The following KIAA1328 variants were observed in gnomAD, a reference collection of about 807,000 sequenced individuals.
KIAA1328 encodes the protein KIAA1328, also known as protein hinderin.
Under a neutral mutation model 68.1 loss-of-function variants are expected in KIAA1328, and 52 were observed. The observed-to-expected ratio is 0.76, with a 90% CI of 0.61 to 0.96. The LOEUF (loss-of-function observed/expected upper bound fraction) is 0.96. Among genes scored for constraint, KIAA1328 ranks in the 40% least tolerant of loss-of-function variants. KIAA1328 has a pLI of 0.00. For missense variants in KIAA1328, 641 were observed against 677.6 expected, an observed-to-expected ratio of 0.95 and a Z score of 0.60; for synonymous variants, 232 against 239.4, an observed-to-expected ratio of 0.97 and a Z score of 0.28.
At chr18:37,130,546 A>T (rs2058498328) in intron 7 of KIAA1328, among the ~76,000 whole-genome samples, 6 of 152,064 alleles carry the variant, frequency 3.9e-5, no homozygotes, top group Admixed American at 3.9e-4. Flanking sequence ...TGAACCCAGG[A>T]GGCGGAGGTT....
chr18:36,991,392 T>C (rs1250510471), intron 6 of KIAA1328, among the ~76,000 whole-genome samples: 1 of 152,222 alleles, frequency 6.6e-6, no homozygotes, highest in Non-Finnish European at 1.5e-5. Flanking sequence ...AAAAACTTAT[T>C]AATAATAAAT....
chr18:37,163,903 C>G (rs1413922602), intron 8 of KIAA1328, among the ~76,000 whole-genome samples: 1 of 152,176 alleles, frequency 6.6e-6, no homozygotes, highest in Non-Finnish European at 1.5e-5. Context: ...ATCAACAGCA[C>G]ATAGTATGCA....
At chr18:37,215,877 G>T (rs1260923583) in intron 9 of KIAA1328, among the ~76,000 whole-genome samples, 1 of 152,152 alleles carries the variant, frequency 6.6e-6, no homozygotes, top group Non-Finnish European at 1.5e-5. Context: ...TTAGTCTTGG[G>T]AGGGTGTATG....
rs750060405 is a variant in KIAA1328 at position 36,870,464 on chromosome 18, A to G, written c.333-15093A>G. ...GTAATATAAATATTAAAATTATTCC[A>G]TTAAAAAATAAAGCTAAAATAAAAT... On this transcript the variant is annotated intron_variant, in intron 4 of 9. Transcript: ENST00000280020. Among the ~76,000 whole-genome samples, 165 of 149,528 alleles carry G rather than the reference A, an allele frequency of 1.1e-3. 1 individual carries two copies. The highest frequency in any genetic ancestry group is 2.7e-4 in the Non-Finnish European group (18 of 66,534).
chr18:37,082,731 TAAC>T (rs978489669), intron 7 of KIAA1328, among the ~76,000 whole-genome samples: 4 of 152,364 alleles, frequency 2.6e-5, no homozygotes, highest in East Asian at 3.9e-4. Flanking sequence ...TGATTGCCGA[TAAC>T]AACTTTCGAA....
chr18:36,991,949 G>A (rs184001943), intron 6 of KIAA1328, among the ~76,000 whole-genome samples: 3 of 152,276 alleles, frequency 2.0e-5, no homozygotes, highest in African/African-American at 7.2e-5. Flanking sequence ...TTGTTCGGGG[G>A]CCACCACCAT....
chr18:37,172,325 A>G (rs111400296), intron 8 of KIAA1328, among the ~76,000 whole-genome samples: 298 of 152,348 alleles, frequency 2.0e-3, no homozygotes, highest in Middle Eastern at 0.01. Context: ...TAAAAACAAT[A>G]TTTCTGTCCA....
intron 5 of KIAA1328, among the ~76,000 whole-genome samples, chr18:36,893,435 TTGTG>T (rs147453972): frequency 1.4e-3 from 197 of 139,684 alleles, no homozygotes; most frequent in African/African-American, 3.6e-3. Flanking sequence ...ACCTGGCTAT[TTGTG>T]TGTGTGTGTG....
chr18:37,216,994 G>GTT (rs1203023071), intron 9 of KIAA1328, among the ~76,000 whole-genome samples: 367 of 29,372 alleles, frequency 0.012, 5 homozygotes, highest in African/African-American at 0.071. Flanking sequence ...TTTTTTGTTT[G>GTT]TTTTTTTTTT....
chr18:37,124,670 T>C (rs1265762234), intron 7 of KIAA1328, among the ~76,000 whole-genome samples: 2 of 152,188 alleles, frequency 1.3e-5, no homozygotes, highest in Non-Finnish European at 2.9e-5. Context: ...TCCATACATG[T>C]TGTGACTTTT....
chr18:36,885,257 T>G (rs919008152), intron 4 of KIAA1328, among the ~76,000 whole-genome samples: 3 of 152,198 alleles, frequency 2.0e-5, no homozygotes, highest in African/African-American at 4.8e-5. Flanking sequence ...TCGGAATATA[T>G]TTCTGTCCTG....
At chr18:36,888,435 A>G (rs1403708412) in intron 5 of KIAA1328, among the ~76,000 whole-genome samples, 2 of 152,232 alleles carry the variant, frequency 1.3e-5, no homozygotes, top group Admixed American at 6.5e-5. Flanking sequence ...GTCATGTGGC[A>G]TAGTCAGACT....
intron 6 of KIAA1328, among the ~76,000 whole-genome samples, chr18:37,013,033 A>G (rs1379208140): frequency 1.3e-5 from 2 of 152,190 alleles, no homozygotes; most frequent in African/African-American, 4.8e-5. Flanking sequence ...TGCTGACGTT[A>G]GTAACTCCCT....
In KIAA1328 at chr18:36,901,693, G is replaced by A. The variant is rs118054315; in HGVS notation, c.448+16021G>A. The stretch of plus-strand genomic sequence containing the variant: ...TAGCTGAGTCTGCACAGTTCAAAAT[G>A]CAAGGTTGGCAGTCTAGAAAGATTG... On this transcript the variant is annotated intron_variant, in intron 5 of 9. Transcript: ENST00000280020. Among the ~76,000 whole-genome samples the A allele has an allele frequency of 4.3e-3, 661 of 152,114 alleles. 8 individuals carry two copies. Among genetic ancestry groups the A allele is most frequent in the Admixed American group, 0.021 (322 of 15,232 alleles).
intron 7 of KIAA1328, among the ~76,000 whole-genome samples, chr18:37,094,034 G>A (rs918225203): frequency 6.6e-6 from 1 of 152,188 alleles, no homozygotes; most frequent in Non-Finnish European, 1.5e-5. Flanking sequence ...CACAGACCAG[G>A]GTGTGGGGAG....
At chr18:37,107,690 T>C (rs1034271377) in intron 7 of KIAA1328, among the ~76,000 whole-genome samples, 2 of 152,210 alleles carry the variant, frequency 1.3e-5, no homozygotes, top group African/African-American at 2.4e-5. Context: ...GAAATGGCAC[T>C]AATATTTGCA....
chr18:37,052,523 C>T (rs1203395752), intron 6 of KIAA1328, among the ~76,000 whole-genome samples: 1 of 151,860 alleles, frequency 6.6e-6, no homozygotes, highest in East Asian at 1.9e-4. Flanking sequence ...TAAAAGACAT[C>T]CAAACAGAAA....
chr18:36,947,799 CAAAG>C (rs972492218), intron 5 of KIAA1328, among the ~76,000 whole-genome samples: 38 of 152,196 alleles, frequency 2.5e-4, no homozygotes, highest in African/African-American at 8.2e-4. Context: ...CAAAATATGT[CAAAG>C]AAATATATTT....
intron 5 of KIAA1328, among the ~76,000 whole-genome samples, chr18:36,937,250 A>T (rs1256894239): frequency 6.6e-6 from 1 of 152,226 alleles, no homozygotes; most frequent in Non-Finnish European, 1.5e-5. Flanking sequence ...CCCAAACCAT[A>T]AAAACCCTAG....
Sources: gnomAD v4.1 joint callset for allele counts (sites outside exome capture counted in the v4.1 genomes callset) on GRCh38, gnomAD v4.1.1 for gene constraint, MANE v1.5 for transcripts, NCBI Gene and HGNC (gene_info 2026-07-23, HGNC 2026-07-21) for gene names.